Variants in LRP5 observed in about 807,000 individuals in gnomAD.
LRP5 encodes the protein LDL receptor related protein 5, also known as low-density lipoprotein receptor-related protein 5.
LRP5 carries 62 observed loss-of-function variants against 154.1 expected under a neutral mutation model. The observed-to-expected ratio is 0.40, with a 90% CI of 0.33 to 0.50. The LOEUF is 0.50. LRP5 is among the 20% of genes least tolerant of loss of function. The pLI is 0.55. For missense variants in LRP5, 1,915 were observed against 2,336.7 expected (o/e 0.82, Z 3.72); for synonymous variants, 966 against 1,011.5 (o/e 0.96, Z 0.85).
intron 13 of LRP5, among the ~76,000 whole-genome samples, chr11:68,421,920 A>G (rs1482397603): frequency 6.6e-6 from 1 of 151,530 alleles, no homozygotes; most frequent in East Asian, 1.9e-4. Context: ...ATCTACTTAG[A>G]GACTTTGTTT....
chr11:68,409,073 A>AAAAAATATATATATATATATATAT (rs2098657548), intron 9 of LRP5, among the ~76,000 whole-genome samples: 1 of 44,178 alleles, frequency 2.3e-5, no homozygotes, highest in Non-Finnish European at 3.7e-5. Context: ...AAAAAAAAAA[A>AAAAAATATATATATATATATATAT]ATATATATAT....
chr11:68,401,856 T>G (rs1032313203), intron 7 of LRP5, among the ~76,000 whole-genome samples: 6 of 150,850 alleles, frequency 4.0e-5, no homozygotes, highest in African/African-American at 1.5e-4. Flanking sequence ...GCCCAGCTCG[T>G]TTTTTTTTGT....
chr11:68,393,010 T>C (rs556270585), intron 7 of LRP5, among the ~76,000 whole-genome samples: 1 of 151,922 alleles, frequency 6.6e-6, no homozygotes, highest in East Asian at 1.9e-4. Context: ...GCACTTGTGG[T>C]TCCCAGCTAC....
At chr11:68,388,342 G>C (rs763640044) in intron 6 of LRP5, among the ~76,000 whole-genome samples, 1 of 152,138 alleles carries the variant, frequency 6.6e-6, no homozygotes, top group Non-Finnish European at 1.5e-5. Flanking sequence ...GAAAAAGGAA[G>C]GGATGGGGAA....
At chr11:68,414,860 C>T (rs1591299958) in intron 12 of LRP5, among the ~76,000 whole-genome samples, 1 of 152,192 alleles carries the variant, frequency 6.6e-6, no homozygotes, top group East Asian at 1.9e-4. Context: ...AGGAGATGGG[C>T]CTGGGCCAGA....
At chr11:68,346,292 C>T (rs1001383384) in intron 1 of LRP5, among the ~76,000 whole-genome samples, 18 of 152,218 alleles carry the variant, frequency 1.2e-4, no homozygotes, top group African/African-American at 3.6e-4. Flanking sequence ...GGTGGGGCGG[C>T]GGAGGCGCCG....
chr11:68,404,552 A>G (rs2098654439), intron 8 of LRP5: 1 of 482,868 alleles, frequency 2.1e-6, no homozygotes, highest in South Asian at 1.5e-5. Context: ...CCTGGAGCTG[A>G]GGCAGTGTGG....
chr11:68,395,739 C>G (rs913159449), intron 7 of LRP5, among the ~76,000 whole-genome samples: 2 of 152,178 alleles, frequency 1.3e-5, no homozygotes, highest in African/African-American at 4.8e-5. Context: ...CCAGAGCTGA[C>G]TTAGCCTCGA....
chr11:68,404,107 G>A (rs1172026290), intron 8 of LRP5: 13 of 428,836 alleles, frequency 3.0e-5, no homozygotes, highest in Non-Finnish European at 4.9e-5. Context: ...GGGCTGGGCT[G>A]TGCTTGTTGC....
chr11:68,398,895 C>T (rs1477597123), intron 7 of LRP5, among the ~76,000 whole-genome samples: 1 of 151,988 alleles, frequency 6.6e-6, no homozygotes, highest in African/African-American at 2.4e-5. Flanking sequence ...CCACCAAGCC[C>T]GGCTAATTTT....
At position 68,448,895 on chromosome 11, in the gene LRP5, A is replaced by G. The variant is rs752089268; in HGVS notation, c.4673A>G (p.Lys1558Arg). Reference protein sequence around the residue: ...CDSDYSASRWKASKYYLDLNS... With the variant: ...CDSDYSASRWRASKYYLDLNS... ...AGCGACTACAGCGCCAGCCGCTGGA[A>G]GGCCAGCAAGTACTACCTGGATTTG... The change falls in exon 23 of 23, where the codon AAG (lysine) becomes AGG (arginine). Residue 1558 changes from lysine (K) to arginine (R), a missense_variant. Lys to Arg is a conservative substitution (Grantham distance 26). Around this residue, in one of 3 missense-constraint regions of LRP5, gnomAD observed 1,094 missense variants for 1,210.1 expected, o/e 0.90. Transcript: ENST00000294304. 1.2e-6 allele frequency: 2 copies of G among 1,613,630 alleles called. No individual in the cohort carries two copies. Among genetic ancestry groups the G allele is most frequent in the Admixed American group, 3.3e-5 (2 of 60,006 alleles).
At position 68,423,685 on chromosome 11, in the gene LRP5, A is replaced by G. The variant is rs763856228; in HGVS notation, c.3224A>G (p.Asn1075Ser). Reference protein sequence around the residue: ...DRDKPRAIVVNAERGYLYFTN... With the variant: ...DRDKPRAIVVSAERGYLYFTN... ...GACAAGCCCAGGGCCATCGTCGTCAACGCGGAGCGAGGGTAGGAGGCCAAC... is the reference window on the plus strand; with the variant it reads ...GACAAGCCCAGGGCCATCGTCGTCAGCGCGGAGCGAGGGTAGGAGGCCAAC... The change falls in exon 14 of 23, where the codon AAC becomes AGC. Residue 1075 changes from asparagine to serine, a missense_variant. Asn to Ser is a conservative substitution (Grantham distance 46). This residue lies in a region of LRP5 where 1,094 missense variants were observed against 1,210.1 expected (regional missense o/e 0.90). Coordinates refer to ENST00000294304, the MANE Select transcript of LRP5 (RefSeq NM_002335.4). The surrounding 1 kb of genome is among the most constrained non-coding windows in gnomAD (Gnocchi z 4.7). The G allele has an allele frequency of 1.2e-6, 2 of 1,611,412 alleles. No individual in the cohort carries two copies. Among genetic ancestry groups the G allele is most frequent in the South Asian group, 2.2e-5 (2 of 91,066 alleles).
At chr11:68,379,839 A>G (rs1016789397) in intron 5 of LRP5, among the ~76,000 whole-genome samples, 2 of 152,110 alleles carry the variant, frequency 1.3e-5, no homozygotes, top group African/African-American at 4.8e-5. Flanking sequence ...GATATTATAA[A>G]AGTCACTCAT....
At chr11:68,430,226 T>C (rs1341302437) in intron 17 of LRP5, among the ~76,000 whole-genome samples, 5 of 152,216 alleles carry the variant, frequency 3.3e-5, no homozygotes, top group Admixed American at 2.0e-4. Flanking sequence ...CAGGCTGGAG[T>C]GCAATGGCGC....
At chr11:68,391,792 G>A (rs72932402) in intron 7 of LRP5, among the ~76,000 whole-genome samples, 2 of 152,242 alleles carry the variant, frequency 1.3e-5, no homozygotes, top group African/African-American at 4.8e-5. Flanking sequence ...TCAGGGACTC[G>A]CGTGTCTGTG....
rs1169903761 is a variant in LRP5, at chr11:68,433,895, G to A, written c.4000+57G>A. 2.8e-5 allele frequency: 43 copies of A among 1,534,242 alleles called. No homozygotes were observed. The East Asian group carries it at 3.9e-4, about 14-fold the overall frequency. On this transcript the variant is annotated intron_variant, in intron 18 of 22. Transcript: ENST00000294304. ...ACCCTGGCCCTGCCCTCCGGGATAC[G>A]AGCTTGGGGCTGCCTCCGGCCTCAC...
At chr11:68,410,843 C>T (rs2098659032) in intron 10 of LRP5, among the ~76,000 whole-genome samples, 1 of 152,222 alleles carries the variant, frequency 6.6e-6, no homozygotes, top group Admixed American at 6.5e-5. Context: ...TGCCTGTCGC[C>T]TGTTCTGCTA....
chr11:68,320,696 A>C (rs943526504), intron 1 of LRP5, among the ~76,000 whole-genome samples: 2 of 151,982 alleles, frequency 1.3e-5, no homozygotes, highest in African/African-American at 4.8e-5. Context: ...TCCTGACCTC[A>C]AGTGACCTAC....
chr11:68,332,799 C>T (rs898670396), intron 1 of LRP5, among the ~76,000 whole-genome samples: 2 of 151,804 alleles, frequency 1.3e-5, no homozygotes, highest in East Asian at 3.9e-4. Flanking sequence ...GATGGATGGA[C>T]GGATGGAGGG....
Sources: allele counts gnomAD v4.1 joint callset (sites outside exome capture counted in the v4.1 genomes callset), GRCh38; gene constraint gnomAD v4.1.1; regional missense constraint gnomAD v4.1.1; non-coding constraint Gnocchi (gnomAD v3.1); transcripts MANE v1.5; gene names NCBI Gene and HGNC (gene_info 2026-07-23, HGNC 2026-07-21).